ATP2B3: variants seen among roughly 807,000 people sequenced by gnomAD.
ATP2B3 encodes ATPase plasma membrane Ca2+ transporting 3.
ATP2B3 carries 12 observed loss-of-function variants against 70.8 expected under a neutral mutation model. The observed-to-expected ratio is 0.17, with a 90% CI of 0.11 to 0.27. The LOEUF is 0.27. ATP2B3 is among the 10% of genes least tolerant of loss of function. The pLI, the probability that ATP2B3 is intolerant of heterozygous loss-of-function variation, is 1.00. For synonymous variants in ATP2B3, 460 were observed against 497.8 expected (o/e 0.92, Z 1.01); for missense variants, 858 against 1,118.5 (o/e 0.77, Z 3.32).
chrX:153,579,439 G>A (rs1557022108), intron 21 of ATP2B3, among the ~76,000 whole-genome samples: 1 of 112,713 alleles, frequency 8.9e-6, no homozygotes, highest in Non-Finnish European at 1.9e-5. Context: ...CTGGGAACTT[G>A]CTCATACCAG....
At position 153,581,031 on chromosome X, in the gene ATP2B3, A is replaced by G. The variant is rs1569536389; in HGVS notation, c.*733A>G. On this transcript the variant is annotated 3_prime_UTR_variant, in exon 22 of 22. Coordinates refer to ENST00000263519, the MANE Select transcript of ATP2B3 (RefSeq NM_001001344.3). ...CTGGCATGATATTTGCATTCCTCTTATCAGGCATTTTCATTTGGAAATTTC... is the reference window on the plus strand; with the variant it reads ...CTGGCATGATATTTGCATTCCTCTTGTCAGGCATTTTCATTTGGAAATTTC... 1 of 111,519 alleles carries G rather than the reference A, an allele frequency of 9.0e-6. No homozygotes were observed. Among genetic ancestry groups the G allele is most frequent in the East Asian group, 2.8e-4 (1 of 3,550 alleles). 9.2% of individuals were successfully genotyped at this position (111,519 alleles called of 1,213,427 possible). A position where few individuals can be genotyped will look rare whatever the true frequency, so the allele number is the denominator to read the frequency against.
Position 153,553,277 on chromosome X carries a change from C to A in ATP2B3, c.2058+8C>A, listed in dbSNP as rs782650758. On this transcript the variant is annotated splice_region_variant and intron_variant, in intron 13 of 21. Coordinates refer to ENST00000263519, the MANE Select transcript of ATP2B3 (RefSeq NM_001001344.3). ...GACCCTGTGCGGCCCGAGGTAGCCA[C>A]CACCTTCTCTGTGAGCTGCCCTGGT... is the stretch of plus-strand genomic sequence containing the variant. 5 of 1,190,001 alleles carry A rather than the reference C, an allele frequency of 4.2e-6. No individual in the cohort carries two copies. In the Admixed American group the frequency reaches 8.8e-5, roughly 21 times the overall value.
intron 6 of ATP2B3, 96 bp downstream of exon 6, chrX:153,542,544 A>C: frequency 9.3e-7 from 1 of 1,076,728 alleles, no homozygotes; most frequent in Non-Finnish European, 1.2e-6. Context: ...CTCAGCCTCC[A>C]CCTCCACCAG....
At chrX:153,540,532 C>G (rs2090264731) in intron 3 of ATP2B3, among the ~76,000 whole-genome samples, 1 of 112,350 alleles carries the variant, frequency 8.9e-6, no homozygotes, top group Admixed American at 9.3e-5. Flanking sequence ...AGCCTCCGCT[C>G]CCTGTTGCCA....
intron 7 of ATP2B3, 98 bp from the exon 8 acceptor site, chrX:153,545,990 C>A: frequency 1.0e-6 from 1 of 967,081 alleles, no homozygotes; most frequent in Non-Finnish European, 1.5e-6. Context: ...TGAAGAAGGC[C>A]ACCAGCAATC....
chrX:153,559,076 G>C lies in ATP2B3; in HGVS notation c.2626-653G>C, dbSNP rs781838856. 1.3e-3 allele frequency among the ~76,000 whole-genome samples: 147 copies of C among 111,511 alleles called. 2 individuals are homozygous for C. The highest frequency in any genetic ancestry group is 9.3e-3 in the Middle Eastern group (2 of 216). On this transcript the variant is annotated intron_variant, in intron 17 of 21. Transcript: ENST00000263519. ...AAAAATCACATAACAAACTTCAACAGAACCATTTTAACCTTTTGAAAGTAC... is the reference window on the plus strand; with the variant it reads ...AAAAATCACATAACAAACTTCAACACAACCATTTTAACCTTTTGAAAGTAC...
intron 21 of ATP2B3, chrX:153,569,605 G>C: frequency 1.7e-6 from 2 of 1,211,263 alleles, no homozygotes; most frequent in Non-Finnish European, 2.2e-6. Context: ...TCCCACAGAT[G>C]GAGGTAGTGA....
In ATP2B3 at chrX:153,559,094, G is replaced by A. The variant is rs1017930031; in HGVS notation, c.2626-635G>A. Among the ~76,000 whole-genome samples, 4 of 111,687 alleles carry A rather than the reference G, an allele frequency of 3.6e-5. No individual in the cohort carries two copies. In the South Asian group the frequency reaches 1.5e-3, roughly 42 times the overall value. On this transcript the variant is annotated intron_variant, in intron 17 of 21. Transcript: ENST00000263519. ...TTCAACAGAACCATTTTAACCTTTTGAAAGTACATAACTCCGAGGTTTATA... is the reference window on the plus strand; with the variant it reads ...TTCAACAGAACCATTTTAACCTTTTAAAAGTACATAACTCCGAGGTTTATA...
intron 2 of ATP2B3, among the ~76,000 whole-genome samples, chrX:153,535,094 C>T (rs2090171230): frequency 8.9e-6 from 1 of 112,766 alleles, no homozygotes; most frequent in Non-Finnish European, 1.9e-5. Flanking sequence ...TAGCTCGGGC[C>T]GGGAAGGAGC....
At chrX:153,528,769 C>G (rs2090071272) in intron 2 of ATP2B3, among the ~76,000 whole-genome samples, 1 of 112,106 alleles carries the variant, frequency 8.9e-6, no homozygotes, top group Non-Finnish European at 1.9e-5. Flanking sequence ...ATAGCTGCGG[C>G]CGCACCTGTC....
chrX:153,580,217 G>T lies in ATP2B3; in HGVS notation c.3582G>T (p.Thr1194=), dbSNP rs1340229034. The change falls in exon 22 of 22, where the codon ACG becomes ACT. Residue 1194 remains threonine, a synonymous_variant. Transcript: ENST00000263519. The part of the protein sequence containing the change: ...NAIDSGIYLT[T]HVTKSATSSV... ...TAGACAGCGGCATCTACCTGACCAC[G>T]CATGTCACCAAGTCAGCTACCTCTT... 9.1e-7 allele frequency: 1 copy of T among 1,098,675 alleles called. No homozygotes were observed. Among genetic ancestry groups the T allele is most frequent in the South Asian group, 1.8e-5 (1 of 55,137 alleles). 90.5% of individuals were successfully genotyped at this position (1,098,675 alleles called of 1,213,427 possible).
At chrX:153,567,505 G>A (rs1449528748) in intron 21 of ATP2B3, among the ~76,000 whole-genome samples, 1 of 112,983 alleles carries the variant, frequency 8.9e-6, no homozygotes, top group African/African-American at 3.2e-5. Context: ...TCCTGCCGCC[G>A]CAGCCGAAGG....
chrX:153,527,883 T>A (rs2090058417), intron 2 of ATP2B3, among the ~76,000 whole-genome samples: 1 of 112,654 alleles, frequency 8.9e-6, no homozygotes, highest in Non-Finnish European at 1.9e-5. Flanking sequence ...CGAAGAGCAT[T>A]GCCCTGCTCG....
chrX:153,547,341 G>A (rs2090384266), intron 8 of ATP2B3, among the ~76,000 whole-genome samples: 1 of 111,274 alleles, frequency 9.0e-6, no homozygotes, highest in African/African-American at 3.3e-5. Context: ...GGGAGAGGCA[G>A]GGAGGGTGCT....
At chrX:153,525,513 G>T (rs2090018875) in intron 2 of ATP2B3, among the ~76,000 whole-genome samples, 1 of 111,817 alleles carries the variant, frequency 8.9e-6, no homozygotes, top group African/African-American at 3.3e-5. Flanking sequence ...GGTCCATTCC[G>T]CCCCCCACCA....
At chrX:153,522,586 G>A (rs1556998186) in intron 2 of ATP2B3, among the ~76,000 whole-genome samples, 1 of 112,232 alleles carries the variant, frequency 8.9e-6, no homozygotes, top group Non-Finnish European at 1.9e-5. Flanking sequence ...GTCCTCACAC[G>A]GACCTAGACA....
intron 2 of ATP2B3, among the ~76,000 whole-genome samples, chrX:153,529,436 T>A (rs1301983925): frequency 3.6e-5 from 4 of 111,427 alleles, no homozygotes; most frequent in Non-Finnish European, 7.5e-5. Flanking sequence ...GTCAAGGCAG[T>A]GAAACTCCTG....
At chrX:153,551,832 C>G (rs782591545) in intron 12 of ATP2B3, among the ~76,000 whole-genome samples, 1 of 112,676 alleles carries the variant, frequency 8.9e-6, no homozygotes, top group East Asian at 2.8e-4. Flanking sequence ...ACTCAGCCTT[C>G]CCGGACTCCA....
At chrX:153,529,789 G>GC (rs781898006) in intron 2 of ATP2B3, among the ~76,000 whole-genome samples, 10 of 111,373 alleles carry the variant, frequency 9.0e-5, no homozygotes, top group South Asian at 3.8e-4. Context: ...CTCCTATGAG[G>GC]CCCTCACAGG....
Sources: gnomAD v4.1 joint callset for allele counts (sites outside exome capture counted in the v4.1 genomes callset) on GRCh38, gnomAD v4.1.1 for gene constraint, MANE v1.5 for transcripts, NCBI Gene and HGNC (gene_info 2026-07-23, HGNC 2026-07-21) for gene names.